PRSS41: variants seen among roughly 807,000 people sequenced by gnomAD.
PRSS41 encodes the protein serine protease 41, also known as protease, serine 41.
In PRSS41, 37 loss-of-function variants were observed where a neutral mutation model predicts 28.8. That is an observed-to-expected ratio of 1.29 (90% CI 0.99 to 1.69). PRSS41 has a LOEUF of 1.69. PRSS41 is among the 40% of genes most tolerant of loss of function. The pLI, the probability that PRSS41 is intolerant of heterozygous loss-of-function variation, is 0.00. For missense variants in PRSS41, 431 were observed against 400.7 expected, an observed-to-expected ratio of 1.08 and a Z score of -0.65; for synonymous variants, 195 against 163.1, an observed-to-expected ratio of 1.20 and a Z score of -1.49.
At chr16:2,799,896 T>TA (rs1166052562) in intron 4 of PRSS41, among the ~76,000 whole-genome samples, 1 of 152,256 alleles carries the variant, frequency 6.6e-6, no homozygotes, top group African/African-American at 2.4e-5. Flanking sequence ...CAATGATTTT[T>TA]AAAAATTGAG....
intron 4 of PRSS41, among the ~76,000 whole-genome samples, chr16:2,801,812 A>G (rs1314437090): frequency 6.6e-6 from 1 of 152,346 alleles, no homozygotes; most frequent in East Asian, 1.9e-4. Flanking sequence ...CTATTCCACA[A>G]AACCGCCATT....
rs112093665 is a variant in PRSS41 at position 2,799,140 on chromosome 16, G to C, written c.257+16G>C. The C allele has an allele frequency of 3.3e-3, 5,002 of 1,509,118 alleles. 137 individuals are homozygous for C. In the African/African-American group the frequency reaches 0.061, roughly 18 times the overall value. 93.5% of individuals were successfully genotyped at this position (1,509,118 alleles called of 1,614,324 possible). On this transcript the variant is annotated intron_variant, in intron 3 of 5. Transcript: ENST00000399677. ...GCTTCCAAAAGTGAGTCTGGGGGGC[G>C]GCCGGGGCCTCAGACTTGCTAATGG...
rs767171397 is a variant in PRSS41, at chr16:2,799,575, G to A, written c.541+6G>A. The stretch of plus-strand genomic sequence containing the variant: ...GTTAATCAGCCCCAGTGGCAGTGAG[G>A]CTGGGGATAGACCGGGTGGGGTGAT... On this transcript the variant is annotated splice_donor_region_variant and intron_variant, in intron 4 of 5. Transcript: ENST00000399677. 3.9e-6 allele frequency: 6 copies of A among 1,550,846 alleles called. No individual in the cohort carries two copies. The African/African-American group carries it at 5.5e-5, about 14-fold the overall frequency.
At chr16:2,805,061 A>G (rs2069012720) in exon 6 of PRSS41, 1 of 1,552,688 alleles carries the variant, frequency 6.4e-7, no homozygotes, top group African/African-American at 1.4e-5. Context: ...CCGGAGGGTG[A>G]TGTCCCACAG....
At chr16:2,800,036 A>G (rs1171149543) in intron 4 of PRSS41, among the ~76,000 whole-genome samples, 2 of 152,262 alleles carry the variant, frequency 1.3e-5, no homozygotes, top group East Asian at 3.8e-4. Context: ...AGGCACTTTC[A>G]TCATTGTGTC....
At chr16:2,802,208 C>T (rs1249704669) in intron 4 of PRSS41, among the ~76,000 whole-genome samples, 24 of 132,262 alleles carry the variant, frequency 1.8e-4, no homozygotes, top group African/African-American at 2.6e-4. Flanking sequence ...CAGACAGGGT[C>T]GCGGCCGGGC....
intron 4 of PRSS41, among the ~76,000 whole-genome samples, chr16:2,800,886 ATT>A (rs1236451311): frequency 3.3e-5 from 5 of 152,056 alleles, no homozygotes; most frequent in Non-Finnish European, 2.9e-5. Flanking sequence ...ATATGAAAAT[ATT>A]TTCTTTCTTT....
Position 2,799,204 on chromosome 16 carries a change from G to A in PRSS41, c.257+80G>A, listed in dbSNP as rs2068968901. On this transcript the variant is annotated intron_variant, in intron 3 of 5. Coordinates refer to ENST00000399677, the Ensembl canonical transcript of PRSS41. ...CAAACAGTAGCCACCCAGCAGCTTG[G>A]CCTCAGGGACTGGGCCTCCAGCGTG... 2.6e-6 allele frequency: 4 copies of A among 1,517,216 alleles called. No individual in the cohort carries two copies. In the African/African-American group the frequency reaches 4.1e-5, roughly 16 times the overall value. The allele number at this position is 1,517,216 out of a possible 1,614,324, so 94.0% of individuals were successfully genotyped here. A position where few individuals can be genotyped will look rare whatever the true frequency, so the allele number is the denominator to read the frequency against.
chr16:2,799,671 C>A, intron 4 of PRSS41, 102 bp downstream of exon 4: 1 of 1,266,182 alleles, frequency 7.9e-7, no homozygotes, highest in Non-Finnish European at 1.1e-6. Context: ...CCTCCTTGGT[C>A]TGGGGCTGCA....
At chr16:2,801,989 C>G (rs2068990119) in intron 4 of PRSS41, among the ~76,000 whole-genome samples, 1 of 150,836 alleles carries the variant, frequency 6.6e-6, no homozygotes, top group Non-Finnish European at 1.5e-5. Context: ...CCACCTCCCT[C>G]CCGGACGGGG....
At chr16:2,798,811 A>C (rs1287548023) in intron 2 of PRSS41, 148 bp from the exon 3 acceptor site, 1 of 1,166,752 alleles carries the variant, frequency 8.6e-7, no homozygotes, top group African/African-American at 1.6e-5. Flanking sequence ...ACTGCCCACC[A>C]CGTGGGAGGG....
intron 4 of PRSS41, among the ~76,000 whole-genome samples, chr16:2,802,873 G>C (rs1348508110): frequency 6.7e-6 from 1 of 149,132 alleles, no homozygotes; most frequent in East Asian, 1.9e-4. Flanking sequence ...GAGAGGGAGA[G>C]GGAGAGGGAG....
At chr16:2,804,927 G>A in exon 6 of PRSS41, 2 of 1,584,362 alleles carry the variant, frequency 1.3e-6, no homozygotes, top group Non-Finnish European at 1.7e-6. Flanking sequence ...GACTCAGGTG[G>A]ACCCTTGGTC....
chr16:2,804,849 C>A, intron 5 of PRSS41, 65 bp from the exon 6 acceptor site: 1 of 1,259,508 alleles, frequency 7.9e-7, no homozygotes, highest in Non-Finnish European at 1.1e-6. Context: ...GCCCCTCCTG[C>A]TCTCATGGCC....
exon 3 of PRSS41, chr16:2,799,004 T>A (rs1308961626): frequency 6.7e-7 from 1 of 1,494,100 alleles, no homozygotes. Context: ...GCGGGCGGAG[T>A]GGAGTCCGCG....
intron 4 of PRSS41, among the ~76,000 whole-genome samples, chr16:2,801,049 G>T (rs531910187): frequency 6.6e-6 from 1 of 152,124 alleles, no homozygotes. Flanking sequence ...ATGTTGGCTA[G>T]GCTGGTCTCG....
chr16:2,799,609 G>A (rs753556785), intron 4 of PRSS41, 40 bp downstream of exon 4: 64 of 1,540,040 alleles, frequency 4.2e-5, no homozygotes, highest in East Asian at 1.5e-4. Context: ...ATGGGGGTGC[G>A]GGGTGAGCAT....
chr16:2,798,720 GC>G, intron 2 of PRSS41, 58 bp downstream of exon 2: 1 of 1,376,606 alleles, frequency 7.3e-7, no homozygotes, highest in African/African-American at 1.5e-5. Context: ...GTGCACGGGG[GC>G]CCATCTACTG....
intron 4 of PRSS41, among the ~76,000 whole-genome samples, chr16:2,801,592 A>AC (rs1049982183): frequency 6.0e-5 from 9 of 151,104 alleles, no homozygotes; most frequent in Non-Finnish European, 1.3e-4. Flanking sequence ...CACATCTTGC[A>AC]CCGCCCTTAA....
Sources: allele counts gnomAD v4.1 joint callset (sites outside exome capture counted in the v4.1 genomes callset), GRCh38; gene constraint gnomAD v4.1.1; transcripts MANE v1.5; gene names NCBI Gene and HGNC (gene_info 2026-07-23, HGNC 2026-07-21).